Variants in LAMA3 observed in about 807,000 individuals in gnomAD.
The protein encoded by LAMA3 is laminin subunit alpha 3.
A neutral mutation model predicts 402.0 loss-of-function variants in LAMA3; 281 were observed. The observed-to-expected ratio is 0.70, with a 90% CI of 0.63 to 0.77. The LOEUF (loss-of-function observed/expected upper bound fraction) is 0.77, where lower values mean the gene tolerates loss of function less well. Among genes scored for constraint, LAMA3 ranks in the 30% least tolerant of loss-of-function variants. LAMA3 has a pLI of 0.00. For missense variants in LAMA3, 3,840 were observed against 4,215.5 expected, an observed-to-expected ratio of 0.91 and a Z score of 2.47; for synonymous variants, 1,431 against 1,558.4, an observed-to-expected ratio of 0.92 and a Z score of 1.93.
intron 2 of LAMA3, 93 bp downstream of exon 2, chr18:23,714,165 A>C (rs2061050754): frequency 1.6e-6 from 2 of 1,271,448 alleles, no homozygotes; most frequent in East Asian, 4.9e-5. Flanking sequence ...AAAAAAAAAC[A>C]AACTTCAGTT....
At chr18:23,804,754 G>A (rs917587180) in intron 12 of LAMA3, among the ~76,000 whole-genome samples, 1 of 152,116 alleles carries the variant, frequency 6.6e-6, no homozygotes, top group Non-Finnish European at 1.5e-5. Context: ...GATCCTTCAT[G>A]AATGGCTTAG....
rs1385723714 is a variant in LAMA3 at position 23,898,715 on chromosome 18, A to AT, written c.5614-21dup. On this transcript the variant is annotated intron_variant, in intron 44 of 74. Coordinates refer to ENST00000313654, the MANE Select transcript of LAMA3 (RefSeq NM_198129.4). The stretch of plus-strand genomic sequence containing the variant: ...CTTAGTCTTTATACTGTAAAGTGAC[A>AT]TTCATTTGTGTTTTGTTTCCAGAAT... 3 of 1,256,124 alleles carry AT rather than the reference A, an allele frequency of 2.4e-6. No homozygotes were observed. The African/African-American group carries it at 4.4e-5, about 19-fold the overall frequency. The allele number at this position is 1,256,124 out of a possible 1,614,324, so 77.8% of individuals were successfully genotyped here. A position where few individuals can be genotyped will look rare whatever the true frequency, so the allele number is the denominator to read the frequency against.
At chr18:23,900,334 G>A (rs1232965123) in intron 47 of LAMA3, among the ~76,000 whole-genome samples, 3 of 152,142 alleles carry the variant, frequency 2.0e-5, no homozygotes, top group Admixed American at 1.3e-4. Flanking sequence ...GTCTCCCAGT[G>A]TGCTGAGATT....
chr18:23,842,259 A>G (rs1423434115), intron 27 of LAMA3, 136 bp from the exon 28 acceptor site: 4 of 1,060,334 alleles, frequency 3.8e-6, no homozygotes, highest in Non-Finnish European at 5.8e-6. Flanking sequence ...CTGGGTGAAG[A>G]TGGGTTGTCA....
At chr18:23,827,259 C>G in intron 22 of LAMA3, 55 bp from the exon 23 acceptor site, 1 of 1,572,324 alleles carries the variant, frequency 6.4e-7, no homozygotes, top group Non-Finnish European at 8.8e-7. Flanking sequence ...TTTGATATTC[C>G]GTTTGATGTT....
intron 2 of LAMA3, among the ~76,000 whole-genome samples, chr18:23,719,887 C>G (rs1262274189): frequency 6.6e-6 from 1 of 152,144 alleles, no homozygotes; most frequent in Non-Finnish European, 1.5e-5. Context: ...CGGGTGGACA[C>G]AGCCCAATCC....
chr18:23,949,140 G>T (rs2082816422), intron 70 of LAMA3, among the ~76,000 whole-genome samples: 1 of 152,180 alleles, frequency 6.6e-6, no homozygotes, highest in Non-Finnish European at 1.5e-5. Context: ...CTCTAGGCAG[G>T]CATGGGGCTC....
At chr18:23,719,210 T>A (rs546547782) in intron 2 of LAMA3, among the ~76,000 whole-genome samples, 50 of 151,710 alleles carry the variant, frequency 3.3e-4, no homozygotes, top group Non-Finnish European at 6.9e-4. Context: ...AGAAAGAGAG[T>A]CCAGATGGAC....
At chr18:23,706,908 G>A (rs904056433) in intron 1 of LAMA3, among the ~76,000 whole-genome samples, 6 of 152,014 alleles carry the variant, frequency 3.9e-5, no homozygotes, top group Admixed American at 6.6e-5. Flanking sequence ...GAGAAACCCC[G>A]TCTCTACTAA....
intron 1 of LAMA3, among the ~76,000 whole-genome samples, chr18:23,696,249 G>A (rs937893002): frequency 3.3e-5 from 5 of 152,128 alleles, no homozygotes; most frequent in African/African-American, 1.2e-4. Context: ...ATTTTATTAT[G>A]AGGACTTAGC....
At chr18:23,947,371 C>A (rs2082744236) in intron 70 of LAMA3, among the ~76,000 whole-genome samples, 2 of 152,176 alleles carry the variant, frequency 1.3e-5, no homozygotes, top group African/African-American at 4.8e-5. Flanking sequence ...CGCCTTAATG[C>A]AATTTTTGCC....
chr18:23,778,434 C>T (rs2143934045), intron 11 of LAMA3, among the ~76,000 whole-genome samples: 1 of 152,240 alleles, frequency 6.6e-6, no homozygotes, highest in South Asian at 2.1e-4. Context: ...CTGTGAGAGG[C>T]AGAGTTGTAT....
Position 23,858,723 on chromosome 18 carries a change from G to C in LAMA3, c.4316G>C (p.Arg1439Pro). ...GAAGGCACAGAGTGTAATGTGTGTC[G>C]AGAAGGCTCATTCCATTTGGACCCA... ...NVEGTECNVC[R>P]EGSFHLDPAN... The change falls in exon 34 of 75, where the codon CGA (arginine) becomes CCA (proline). Residue 1439 changes from arginine (R) to proline (P), a missense_variant. Arg to Pro is a moderately radical substitution (Grantham distance 103, BLOSUM62 -2). Coordinates refer to ENST00000313654, the MANE Select transcript of LAMA3 (RefSeq NM_198129.4). 4 of 1,614,106 alleles carry C rather than the reference G, an allele frequency of 2.5e-6. No individual in the cohort carries two copies. Among genetic ancestry groups the C allele is most frequent in the Non-Finnish European group, 3.4e-6 (4 of 1,179,960 alleles).
intron 1 of LAMA3, among the ~76,000 whole-genome samples, chr18:23,702,825 C>T (rs61244072): frequency 0.015 from 2,250 of 152,288 alleles, 47 homozygotes; most frequent in African/African-American, 0.051. Context: ...CTCCAGCATC[C>T]CCTCTTGGGC....
intron 8 of LAMA3, among the ~76,000 whole-genome samples, chr18:23,764,028 T>A (rs890169236): frequency 1.3e-5 from 2 of 152,178 alleles, no homozygotes; most frequent in African/African-American, 4.8e-5. Context: ...TAAGGGAGTG[T>A]ATGGCGGAAG....
In LAMA3 at chr18:23,714,042, CAG is replaced by C. The variant is rs757091564; in HGVS notation, c.420_421del (p.Arg140SerfsTer27). On this transcript the variant is annotated frameshift_variant, in exon 2 of 75. Coordinates refer to ENST00000313654, the MANE Select transcript of LAMA3 (RefSeq NM_198129.4). LOFTEE classifies it high-confidence loss of function. ...PPLSSGTQYN[R>X]VNLTLDLGQL... ...CCCTGTCCTCAGGCACACAGTACAA[CAG>C]AGTCAACCTCACCTTGGATCTGGGG... is the stretch of plus-strand genomic sequence containing the variant. The C allele has an allele frequency of 6.2e-7, 1 of 1,613,908 alleles. No homozygotes were observed. Among genetic ancestry groups the C allele is most frequent in the African/African-American group, 1.3e-5 (1 of 74,956 alleles).
At chr18:23,782,552 AAAAT>A (rs896843668) in intron 11 of LAMA3, among the ~76,000 whole-genome samples, 7 of 152,148 alleles carry the variant, frequency 4.6e-5, no homozygotes, top group Admixed American at 3.9e-4. Context: ...AACTCTGTCT[AAAAT>A]AAATAAATAA....
At chr18:23,810,306 G>A in intron 12 of LAMA3, 60 bp from the exon 13 acceptor site, 2 of 1,606,182 alleles carry the variant, frequency 1.2e-6, no homozygotes, top group Non-Finnish European at 1.7e-6. Context: ...CCGGGACGTG[G>A]TTCTTCCCCC....
At chr18:23,741,478 G>A (rs149157471) in intron 2 of LAMA3, among the ~76,000 whole-genome samples, 16 of 151,258 alleles carry the variant, frequency 1.1e-4, no homozygotes, top group African/African-American at 3.6e-4. Flanking sequence ...AATCGCCATC[G>A]TTTCTTCTCA....
Sources: allele counts gnomAD v4.1 joint callset (sites outside exome capture counted in the v4.1 genomes callset), GRCh38; gene constraint gnomAD v4.1.1; transcripts MANE v1.5; gene names NCBI Gene and HGNC (gene_info 2026-07-23, HGNC 2026-07-21).